Variants in ZFX observed in about 807,000 individuals in gnomAD.
ZFX encodes the protein zinc finger X-chromosomal protein.
For missense variants in ZFX, 362 were observed against 628.3 expected, an observed-to-expected ratio of 0.58 and a Z score of 4.53; for synonymous variants, 196 against 226.8, an observed-to-expected ratio of 0.86 and a Z score of 1.22.
intron 5 of ZFX, among the ~76,000 whole-genome samples, chrX:24,185,822 T>G (rs924321974): frequency 1.8e-5 from 2 of 111,008 alleles, no homozygotes; most frequent in Non-Finnish European, 3.8e-5. Context: ...TCGCAACACT[T>G]TGGGAAGCCG....
chrX:24,201,619 C>T (rs955541517), intron 5 of ZFX, among the ~76,000 whole-genome samples: 1 of 112,255 alleles, frequency 8.9e-6, no homozygotes, highest in Non-Finnish European at 1.9e-5. Context: ...CAGATTTCTG[C>T]CTAGTTTGGT....
chrX:24,168,568 G>A (rs116488646), intron 3 of ZFX, among the ~76,000 whole-genome samples: 2,177 of 109,366 alleles, frequency 0.02, 50 homozygotes, highest in African/African-American at 0.069. Flanking sequence ...CCTTCTTCTA[G>A]GATGATATTG....
chrX:24,155,350 G>A (rs1019621289), intron 3 of ZFX, among the ~76,000 whole-genome samples: 1 of 111,320 alleles, frequency 9.0e-6, no homozygotes, highest in African/African-American at 3.3e-5. Flanking sequence ...GTGCAAAGGA[G>A]TCCTGAGACC....
chrX:24,199,723 G>T (rs1382781158), intron 5 of ZFX, among the ~76,000 whole-genome samples: 3 of 110,347 alleles, frequency 2.7e-5, no homozygotes, highest in Non-Finnish European at 5.7e-5. Flanking sequence ...TTCAAGACCA[G>T]CCTGACCAAC....
chrX:24,200,528 T>C (rs1399293044), intron 5 of ZFX, among the ~76,000 whole-genome samples: 2 of 112,387 alleles, frequency 1.8e-5, no homozygotes, highest in Non-Finnish European at 3.8e-5. Context: ...TGTTTTGTTG[T>C]TGAGTTTAAA....
intron 5 of ZFX, among the ~76,000 whole-genome samples, chrX:24,191,511 C>T (rs1479044037): frequency 9.0e-6 from 1 of 111,452 alleles, no homozygotes; most frequent in Non-Finnish European, 1.9e-5. Context: ...ATACTTCCTG[C>T]AAGTTACTCA....
At chrX:24,156,764 C>T (rs1402299613) in intron 3 of ZFX, among the ~76,000 whole-genome samples, 3 of 108,598 alleles carry the variant, frequency 2.8e-5, no homozygotes, top group Non-Finnish European at 1.9e-5. Flanking sequence ...ACGCCATTCT[C>T]CTGCCTCAGC....
At chrX:24,203,904 A>AT (rs1336283636) in intron 5 of ZFX, among the ~76,000 whole-genome samples, 1 of 112,489 alleles carries the variant, frequency 8.9e-6, no homozygotes, top group Admixed American at 9.4e-5. Flanking sequence ...AGATTGCATT[A>AT]GAGGGTTCAA....
intron 8 of ZFX, among the ~76,000 whole-genome samples, 195 bp downstream of exon 8, chrX:24,208,565 A>G (rs1937789670): frequency 8.9e-6 from 1 of 112,590 alleles, no homozygotes; most frequent in Non-Finnish European, 1.9e-5. Context: ...TCATGTGTAT[A>G]TTATGTAGAA....
chrX:24,208,712 T>C (rs1291719242), intron 8 of ZFX, among the ~76,000 whole-genome samples, 188 bp from the exon 9 acceptor site: 1 of 111,494 alleles, frequency 9.0e-6, no homozygotes, highest in African/African-American at 3.3e-5. Context: ...TTTTTAGCTT[T>C]GGAAGCTAGG....
chrX:24,207,514 A>G, intron 6 of ZFX, 39 bp downstream of exon 6: 3 of 1,186,593 alleles, frequency 2.5e-6, no homozygotes, highest in Non-Finnish European at 3.4e-6. Context: ...TCCTCATCCA[A>G]ATGTTTCAGC....
chrX:24,180,119 C>T (rs1328140108), intron 5 of ZFX, among the ~76,000 whole-genome samples: 2 of 109,540 alleles, frequency 1.8e-5, no homozygotes, highest in South Asian at 4.0e-4. Context: ...GTAATCCCAG[C>T]TACTTGGGAG....
At chrX:24,155,424 C>T (rs931574182) in intron 3 of ZFX, among the ~76,000 whole-genome samples, 2 of 111,493 alleles carry the variant, frequency 1.8e-5, no homozygotes, top group Non-Finnish European at 1.9e-5. Flanking sequence ...AATAAATATA[C>T]TGTGGTTTAT....
chrX:24,212,753 C>CAGTT lies in ZFX; in HGVS notation c.*1380_*1383dup, dbSNP rs756451971. The CAGTT allele has an allele frequency of 8.9e-6, 1 of 112,432 alleles. No individual in the cohort carries two copies. Among genetic ancestry groups the CAGTT allele is most frequent in the African/African-American group, 3.2e-5 (1 of 30,967 alleles). The allele number at this position is 112,432 out of a possible 1,213,427, so 9.3% of individuals were successfully genotyped here. ...AGGCTGATCTGTTATTTCTCAGTTACAGTTAGCAAACTTTAAAAACTTAAC... is the reference window on the plus strand; with the variant it reads ...AGGCTGATCTGTTATTTCTCAGTTACAGTTAGTTAGCAAACTTTAAAAACTTAAC... On this transcript the variant is annotated 3_prime_UTR_variant, in exon 10 of 10. Transcript: ENST00000304543.
intron 5 of ZFX, 116 bp downstream of exon 5, chrX:24,179,886 C>A: frequency 3.0e-6 from 2 of 667,024 alleles, no homozygotes; most frequent in Non-Finnish European, 4.5e-6. Flanking sequence ...TCTCATAGAC[C>A]TACCTGCATT....
At chrX:24,150,798 T>A (rs1325326598) in intron 1 of ZFX, 1 of 113,004 alleles carries the variant, frequency 8.8e-6, no homozygotes, top group Non-Finnish European at 1.9e-5. Flanking sequence ...CCCGAGTATC[T>A]GAATAAAGGA....
intron 5 of ZFX, 75 bp from the exon 6 acceptor site, chrX:24,207,245 ATTTTTT>A: frequency 1.3e-6 from 1 of 758,749 alleles, no homozygotes; most frequent in Non-Finnish European, 1.8e-6. Context: ...AAAAAAAAAA[ATTTTTT>A]TTTTTTTTTT....
chrX:24,181,596 G>A (rs1422447996), intron 5 of ZFX, among the ~76,000 whole-genome samples: 1 of 111,953 alleles, frequency 8.9e-6, no homozygotes, highest in African/African-American at 3.2e-5. Context: ...TTATATCTTT[G>A]TGTACGTTCT....
In ZFX at chrX:24,215,514, CTGATGCCTG is replaced by C. The variant is rs1938405264; in HGVS notation, c.*4140_*4148del. 8.9e-6 allele frequency: 1 copy of C among 111,746 alleles called. No homozygotes were observed. Among genetic ancestry groups the C allele is most frequent in the East Asian group, 2.8e-4 (1 of 3,605 alleles). The allele number at this position is 111,746 out of a possible 1,213,427, so 9.2% of individuals were successfully genotyped here. The stretch of plus-strand genomic sequence containing the variant: ...GTTTTAACATGTTCTCCAAGTGATT[CTGATGCCTG>C]TTCAAACTTGGGAAACACTTTTAGA... On this transcript the variant is annotated 3_prime_UTR_variant, in exon 10 of 10. Coordinates refer to ENST00000304543, the MANE Select transcript of ZFX (RefSeq NM_003410.4).
Sources: gnomAD v4.1 joint callset for allele counts (sites outside exome capture counted in the v4.1 genomes callset) on GRCh38, gnomAD v4.1.1 for gene constraint, MANE v1.5 for transcripts, NCBI Gene and HGNC (gene_info 2026-07-23, HGNC 2026-07-21) for gene names.